The following KCNIP4 variants were observed in gnomAD, a reference collection of about 807,000 sequenced individuals.
The protein encoded by KCNIP4 is potassium voltage-gated channel interacting protein 4.
KCNIP4 carries 12 observed loss-of-function variants against 34.0 expected under a neutral mutation model. That is an observed-to-expected ratio of 0.35 (90% confidence interval 0.23 to 0.57). The LOEUF (loss-of-function observed/expected upper bound fraction) is 0.57, where lower values mean the gene tolerates loss of function less well. Ranked by LOEUF, KCNIP4 falls within the 20% of genes least tolerant of loss-of-function variation. The pLI is 0.83. For missense variants in KCNIP4, 238 were observed against 311.7 expected, an observed-to-expected ratio of 0.76 and a Z score of 1.78; for synonymous variants, 124 against 102.2, an observed-to-expected ratio of 1.21 and a Z score of -1.29.
At chr4:21,735,217 G>A (rs1293729783) in intron 1 of KCNIP4, among the ~76,000 whole-genome samples, 1 of 152,030 alleles carries the variant, frequency 6.6e-6, no homozygotes. Context: ...AGAAAAAGAA[G>A]ACACTCATGG....
At chr4:21,220,028 A>G (rs1244648963) in intron 1 of KCNIP4, among the ~76,000 whole-genome samples, 1 of 152,216 alleles carries the variant, frequency 6.6e-6, no homozygotes, top group Non-Finnish European at 1.5e-5. Context: ...GTTATGAAAA[A>G]TAGTGTCCAA....
intron 1 of KCNIP4, among the ~76,000 whole-genome samples, chr4:20,883,917 G>A (rs534382312): frequency 1.3e-4 from 20 of 152,060 alleles, no homozygotes; most frequent in Non-Finnish European, 2.4e-4. Flanking sequence ...TTCTATCGAG[G>A]ACGCCAAGTA....
intron 1 of KCNIP4, among the ~76,000 whole-genome samples, chr4:21,603,242 C>CT (rs1743351316): frequency 2.0e-5 from 3 of 152,026 alleles, no homozygotes; most frequent in Admixed American, 1.3e-4. Flanking sequence ...TCTTCTGTGT[C>CT]TGTAAAATGA....
At chr4:21,768,062 G>A (rs1194617607) in intron 1 of KCNIP4, among the ~76,000 whole-genome samples, 1 of 152,032 alleles carries the variant, frequency 6.6e-6, no homozygotes, top group Non-Finnish European at 1.5e-5. Flanking sequence ...TGACAGACAT[G>A]GATATCAATC....
At chr4:21,678,278 T>C (rs551371745) in intron 1 of KCNIP4, among the ~76,000 whole-genome samples, 2 of 150,822 alleles carry the variant, frequency 1.3e-5, no homozygotes, top group South Asian at 4.2e-4. Flanking sequence ...TTTATATAAT[T>C]TCCAAGTGTC....
chr4:21,503,996 C>A (rs1002142162), intron 1 of KCNIP4, among the ~76,000 whole-genome samples: 1 of 152,194 alleles, frequency 6.6e-6, no homozygotes, highest in African/African-American at 2.4e-5. Context: ...CTTCTCAAAT[C>A]TTCTAGGATG....
chr4:21,126,941 C>T (rs1184501382), intron 1 of KCNIP4, among the ~76,000 whole-genome samples: 3 of 152,144 alleles, frequency 2.0e-5, no homozygotes, highest in African/African-American at 4.8e-5. Flanking sequence ...TTTACATGGG[C>T]TCTCTGTCAA....
chr4:21,691,002 C>G (rs925893569), intron 1 of KCNIP4, among the ~76,000 whole-genome samples: 1 of 152,112 alleles, frequency 6.6e-6, no homozygotes, highest in Non-Finnish European at 1.5e-5. Flanking sequence ...TGATAGGAAC[C>G]TCTGCATGAC....
chr4:20,981,880 T>C (rs1736101131), intron 1 of KCNIP4, among the ~76,000 whole-genome samples: 2 of 152,130 alleles, frequency 1.3e-5, no homozygotes, highest in Non-Finnish European at 2.9e-5. Context: ...TATAGAAATA[T>C]AGATTCAGAT....
intron 1 of KCNIP4, among the ~76,000 whole-genome samples, chr4:21,898,101 G>T (rs1015900669): frequency 3.3e-5 from 5 of 152,100 alleles, no homozygotes; most frequent in African/African-American, 1.2e-4. Flanking sequence ...TTAGCCAGAG[G>T]CAAAGTGTCC....
chr4:21,515,080 C>G (rs932810276), intron 1 of KCNIP4, among the ~76,000 whole-genome samples: 13 of 152,116 alleles, frequency 8.5e-5, no homozygotes, highest in African/African-American at 2.9e-4. Flanking sequence ...CTCCTTTTCT[C>G]TAGAAATGAT....
At chr4:21,540,810 C>T (rs1737617968) in intron 1 of KCNIP4, among the ~76,000 whole-genome samples, 1 of 152,082 alleles carries the variant, frequency 6.6e-6, no homozygotes, top group Non-Finnish European at 1.5e-5. Flanking sequence ...GAGGTTTTTT[C>T]AGTCCTTCTT....
chr4:20,733,363 A>G (rs1376583969), intron 6 of KCNIP4, among the ~76,000 whole-genome samples: 4 of 152,174 alleles, frequency 2.6e-5, no homozygotes, highest in Non-Finnish European at 5.9e-5. Flanking sequence ...TCTCTAAAAC[A>G]GTCTAATTTT....
chr4:21,190,736 A>G (rs1039367520), intron 1 of KCNIP4, among the ~76,000 whole-genome samples: 1 of 131,648 alleles, frequency 7.6e-6, no homozygotes, highest in African/African-American at 2.7e-5. Context: ...AAATACAAGA[A>G]GAAAGAAACT....
At chr4:21,245,373 C>T (rs866066695) in intron 1 of KCNIP4, among the ~76,000 whole-genome samples, 9 of 152,180 alleles carry the variant, frequency 5.9e-5, no homozygotes, top group South Asian at 2.1e-4. Flanking sequence ...TCATTTGTTC[C>T]GATTTGGGGG....
chr4:21,065,994 G>A (rs932037404), intron 1 of KCNIP4, among the ~76,000 whole-genome samples: 2 of 151,810 alleles, frequency 1.3e-5, no homozygotes. Context: ...AGGCAAAATA[G>A]TGTAGCATAG....
At chr4:20,755,893 T>TTGGGTGGGAGA (rs1314126009) in intron 4 of KCNIP4, among the ~76,000 whole-genome samples, 4 of 151,676 alleles carry the variant, frequency 2.6e-5, no homozygotes, top group Non-Finnish European at 2.9e-5. Flanking sequence ...GTGGGGTAAG[T>TTGGGTGGGAGA]TGGGTGGGAG....
intron 1 of KCNIP4, among the ~76,000 whole-genome samples, chr4:20,907,722 T>A (rs762128291): frequency 7.2e-5 from 11 of 152,286 alleles, no homozygotes; most frequent in African/African-American, 2.6e-4. Context: ...TAAATTTTTT[T>A]ATTTTTTTTC....
intron 1 of KCNIP4, among the ~76,000 whole-genome samples, chr4:21,861,568 T>C (rs529373219): frequency 2.8e-4 from 42 of 149,798 alleles, no homozygotes; most frequent in Non-Finnish European, 4.0e-4. Flanking sequence ...GGAGAATCAC[T>C]TAAGCCGGGA....
Sources: allele counts gnomAD v4.1 joint callset (sites outside exome capture counted in the v4.1 genomes callset), GRCh38; gene constraint gnomAD v4.1.1; transcripts MANE v1.5; gene names NCBI Gene and HGNC (gene_info 2026-07-23, HGNC 2026-07-21).